Variants in PCDHA10 observed in about 807,000 individuals in gnomAD.
PCDHA10 encodes protocadherin alpha 10, also known as protocadherin alpha-10.
In PCDHA10, 45 loss-of-function variants were observed where a neutral mutation model predicts 61.2. That is an observed-to-expected ratio of 0.74 (90% CI 0.58 to 0.94). The LOEUF is 0.94. Ranked by LOEUF, PCDHA10 falls within the 40% of genes least tolerant of loss-of-function variation. The probability of loss-of-function intolerance (pLI) is 0.00; values close to 1 mark genes in which losing one functional copy is unlikely to be tolerated. For synonymous variants in PCDHA10, 602 were observed against 548.8 expected, an observed-to-expected ratio of 1.10 and a Z score of -1.35; for missense variants, 1,278 against 1,236.2, an observed-to-expected ratio of 1.03 and a Z score of -0.51.
chr5:140,857,771 G>C lies in PCDHA10; in HGVS notation c.1723G>C (p.Ala575Pro). ...LASPAGSAGG[A>P]VSELVLRSVV... The stretch of plus-strand genomic sequence containing the variant: ...GTCTCCCGCTGGCAGCGCGGGCGGT[G>C]CAGTCAGTGAGCTGGTGCTGCGGTC... The change falls in exon 1 of 4, where the codon GCA becomes CCA. Residue 575 changes from alanine (A) to proline (P), a missense_variant. Ala to Pro is a conservative substitution (Grantham distance 27). Coordinates refer to ENST00000307360, the MANE Select transcript of PCDHA10 (RefSeq NM_018901.4). 3 of 1,597,658 alleles carry C rather than the reference G, an allele frequency of 1.9e-6. No homozygotes were observed. Among genetic ancestry groups the C allele is most frequent in the Non-Finnish European group, 2.6e-6 (3 of 1,167,676 alleles).
chr5:140,956,433 C>T (rs1260145380), intron 1 of PCDHA10, among the ~76,000 whole-genome samples: 6 of 152,098 alleles, frequency 3.9e-5, no homozygotes, highest in African/African-American at 1.4e-4. Context: ...TTTAGTTCTG[C>T]TTATGTGATG....
rs781845787 is a variant in PCDHA10, at chr5:140,884,003, G to C, written c.2388+25567G>C. 7.4e-6 allele frequency: 12 copies of C among 1,613,086 alleles called. No homozygotes were observed. In the South Asian group the frequency reaches 1.3e-4, roughly 18 times the overall value. ...TGGCAGCGCGGGAGGCACAGTGAGC[G>C]AGCTGATGCCGCGGTCGGTGGGTGC... On this transcript the variant is annotated intron_variant, in intron 1 of 3. Transcript: ENST00000307360.
rs1297383367 is a variant in PCDHA10 at position 140,898,744 on chromosome 5, G to T, written c.2388+40308G>T. ...CTGTGAAGAAAGTCATTGGTAGCTT[G>T]ATGGGGATGGCATTGAATCTGTAAA... is the stretch of plus-strand genomic sequence containing the variant. On this transcript the variant is annotated intron_variant, in intron 1 of 3. Coordinates refer to ENST00000307360, the MANE Select transcript of PCDHA10 (RefSeq NM_018901.4). 1.1e-4 allele frequency among the ~76,000 whole-genome samples: 17 copies of T among 152,248 alleles called. 2 individuals are homozygous for T. Among genetic ancestry groups the T allele is most frequent in the East Asian group, 7.7e-4 (4 of 5,188 alleles).
intron 1 of PCDHA10, among the ~76,000 whole-genome samples, chr5:140,886,084 G>C (rs1554182347): frequency 6.6e-6 from 1 of 152,140 alleles, no homozygotes; most frequent in East Asian, 1.9e-4. Flanking sequence ...CCACAACCTG[G>C]ATATTGACAT....
chr5:140,950,512 G>T (rs1239372084), intron 1 of PCDHA10, among the ~76,000 whole-genome samples: 11 of 152,016 alleles, frequency 7.2e-5, no homozygotes, highest in Non-Finnish European at 7.4e-5. Context: ...TATTCCCTGT[G>T]TGCGATATGA....
intron 1 of PCDHA10, chr5:140,863,349 G>T: frequency 7.7e-7 from 1 of 1,302,266 alleles, no homozygotes. Flanking sequence ...TGCTGTACAC[G>T]ACGCTGCGGT....
intron 1 of PCDHA10, chr5:140,875,216 A>G: frequency 1.4e-6 from 1 of 717,612 alleles, no homozygotes. Flanking sequence ...ACCGAAAAGA[A>G]CCTCAGGATC....
At position 140,858,447 on chromosome 5, in the gene PCDHA10, A is replaced by G. The variant is rs1554151639; in HGVS notation, c.2388+11A>G. The G allele has an allele frequency of 6.5e-7, 1 of 1,533,388 alleles. No homozygotes were observed. Among genetic ancestry groups the G allele is most frequent in the Admixed American group, 2.0e-5 (1 of 50,612 alleles). The allele number at this position is 1,533,388 out of a possible 1,614,324, so 95.0% of individuals were successfully genotyped here. ...GACCACTCTAGGAAGGTGGGTTATT[A>G]CGTTTTCATTTTCCTTTTGTGCTTT... On this transcript the variant is annotated intron_variant, in intron 1 of 3. Coordinates refer to ENST00000307360, the MANE Select transcript of PCDHA10 (RefSeq NM_018901.4).
At position 140,856,457 on chromosome 5, in the gene PCDHA10, CA is replaced by C; in HGVS notation, c.413del (p.Lys138SerfsTer16). ...CCCGCCCAGGTTCTCCGTAACAGAA[CA>C]AAAGCTCTCAATACCTGAATCCAGA... ...DNPPRFSVTEQKLSIPESRLL... is the reference protein window; with the variant it reads ...DNPPRFSVTEXKLSIPESRLL... On this transcript the variant is annotated frameshift_variant, in exon 1 of 4. Coordinates refer to ENST00000307360, the MANE Select transcript of PCDHA10 (RefSeq NM_018901.4). LOFTEE classifies it high-confidence loss of function. 1 of 1,598,330 alleles carries C rather than the reference CA, an allele frequency of 6.3e-7. No individual in the cohort carries two copies. The highest frequency in any genetic ancestry group is 2.2e-5 in the East Asian group (1 of 44,868).
At chr5:140,965,689 A>T (rs2095924180) in intron 1 of PCDHA10, among the ~76,000 whole-genome samples, 2 of 152,266 alleles carry the variant, frequency 1.3e-5, no homozygotes, top group African/African-American at 4.8e-5. Context: ...TTGAAGCAAG[A>T]TTAGAAAAAG....
chr5:140,863,024 C>G (rs563115859), intron 1 of PCDHA10: 7 of 555,234 alleles, frequency 1.3e-5, no homozygotes, highest in Non-Finnish European at 2.1e-5. Flanking sequence ...CTGGTTGTCG[C>G]AACAGCTGCA....
At chr5:140,862,417 T>A (rs77196804) in intron 1 of PCDHA10, 1 of 351,262 alleles carries the variant, frequency 2.8e-6, no homozygotes, top group East Asian at 7.4e-5. Context: ...CAAAAGGCGC[T>A]GCCCAGAAAC....
chr5:140,885,611 A>G (rs1422835119), intron 1 of PCDHA10, among the ~76,000 whole-genome samples: 5 of 152,216 alleles, frequency 3.3e-5, no homozygotes, highest in Non-Finnish European at 4.4e-5. Flanking sequence ...AATTTTAATT[A>G]TAAAATATGT....
chr5:140,869,348 G>A (rs782687742), intron 1 of PCDHA10: 1 of 1,614,066 alleles, frequency 6.2e-7, no homozygotes, highest in South Asian at 1.1e-5. Context: ...CTGCAGAATG[G>A]CATTTTGTTT....
chr5:140,994,911 A>C (rs527704488), intron 3 of PCDHA10, among the ~76,000 whole-genome samples: 4 of 152,222 alleles, frequency 2.6e-5, no homozygotes, highest in African/African-American at 9.6e-5. Flanking sequence ...TGTAGACTGG[A>C]ATCAGATTTT....
At chr5:140,988,634 T>G (rs1405160822) in intron 3 of PCDHA10, among the ~76,000 whole-genome samples, 1 of 152,218 alleles carries the variant, frequency 6.6e-6, no homozygotes, top group Non-Finnish European at 1.5e-5. Flanking sequence ...GTCCTGGTTT[T>G]CTGAAATTAA....
Position 140,857,899 on chromosome 5 carries a change from A to G in PCDHA10, c.1851A>G (p.Ala617=). Residue 617 remains alanine, a synonymous_variant, in exon 1 of 4, where the codon GCA becomes GCG. Transcript: ENST00000307360. ...AATTGCAGTCGGCGGCGGTTGGTGC[A>G]CGCATCCCGTTTCGCGTGGGGCTGT... ...SYELQSAAVG[A]RIPFRVGLYT... 7 of 1,597,716 alleles carry G rather than the reference A, an allele frequency of 4.4e-6. 1 individual carries two copies. The highest frequency in any genetic ancestry group is 6.0e-6 in the Non-Finnish European group (7 of 1,167,490).
intron 1 of PCDHA10, chr5:140,869,708 G>C: frequency 9.3e-6 from 15 of 1,613,408 alleles, no homozygotes; most frequent in Non-Finnish European, 1.3e-5. Flanking sequence ...TCTCTGGATA[G>C]AGAGAAAACT....
At chr5:140,873,403 G>A (rs2054270816) in intron 1 of PCDHA10, among the ~76,000 whole-genome samples, 1 of 152,046 alleles carries the variant, frequency 6.6e-6, no homozygotes, top group South Asian at 2.1e-4. Flanking sequence ...TTCAGTACAG[G>A]TTAAAATTTT....
Sources: allele counts gnomAD v4.1 joint callset (sites outside exome capture counted in the v4.1 genomes callset), GRCh38; gene constraint gnomAD v4.1.1; transcripts MANE v1.5; gene names NCBI Gene and HGNC (gene_info 2026-07-23, HGNC 2026-07-21).